Variants in RS1 observed in about 807,000 individuals in gnomAD.
RS1 encodes retinoschisin.
RS1 carries 2 observed loss-of-function variants against 20.8 expected under a neutral mutation model. That is an observed-to-expected ratio of 0.10 (90% CI 0.04 to 0.30). The LOEUF is 0.30. Among genes scored for constraint, RS1 ranks in the 10% least tolerant of loss-of-function variants. The probability of loss-of-function intolerance (pLI) is 1.00; values close to 1 mark genes in which losing one functional copy is unlikely to be tolerated. For synonymous variants in RS1, 70 were observed against 75.8 expected (o/e 0.92, Z 0.40); for missense variants, 151 against 189.8 (o/e 0.80, Z 1.20).
chrX:18,663,979 C>A (rs1351395758), intron 1 of RS1, among the ~76,000 whole-genome samples: 1 of 111,896 alleles, frequency 8.9e-6, no homozygotes, highest in African/African-American at 3.2e-5. Context: ...GTGGTCTAAC[C>A]TCTTTGGAAA....
intron 1 of RS1, among the ~76,000 whole-genome samples, chrX:18,659,959 C>T (rs1049638263): frequency 9.0e-6 from 1 of 111,644 alleles, no homozygotes; most frequent in African/African-American, 3.3e-5. Flanking sequence ...GGCACCAACA[C>T]GAATCTGAAC....
intron 1 of RS1, among the ~76,000 whole-genome samples, chrX:18,664,278 A>G (rs1928366738): frequency 8.9e-6 from 1 of 112,519 alleles, no homozygotes; most frequent in Non-Finnish European, 1.9e-5. Context: ...GCATCTCATG[A>G]TGCTGAGTGA....
At chrX:18,648,556 G>C (rs866589228) in intron 3 of RS1, among the ~76,000 whole-genome samples, 35 of 111,239 alleles carry the variant, frequency 3.1e-4, no homozygotes, top group African/African-American at 9.5e-4. Flanking sequence ...CCTTCTTTTT[G>C]ACTAAAGAGC....
Position 18,657,674 on chromosome X carries a change from A to G in RS1, c.53-9T>C. 1 of 1,184,710 alleles carries G rather than the reference A, an allele frequency of 8.4e-7. No individual in the cohort carries two copies. Among genetic ancestry groups the G allele is most frequent in the South Asian group, 1.8e-5 (1 of 56,394 alleles). The stretch of plus-strand genomic sequence containing the variant: ...CGATAATCCCAATGTGGCTAAAGCA[A>G]AAGGATGAGACAGAAAAAATCTAAT... On this transcript the variant is annotated splice_polypyrimidine_tract_variant and intron_variant, in intron 1 of 5. Transcript: ENST00000379984.
rs142949334 is a variant in RS1 at position 18,650,771 on chromosome X, G to A, written c.185-3439C>T. Among the ~76,000 whole-genome samples, 728 of 112,611 alleles carry A rather than the reference G, an allele frequency of 6.5e-3. 2 individuals carry two copies. The highest frequency in any genetic ancestry group is 0.022 in the African/African-American group (669 of 31,013). On this transcript the variant is annotated intron_variant, in intron 3 of 5. Coordinates refer to ENST00000379984, the MANE Select transcript of RS1 (RefSeq NM_000330.4). The stretch of plus-strand genomic sequence containing the variant: ...GGCAGTCAAGGTCAAGCAGGCCTGC[G>A]TCCAGCCAATGACACCTGGGGTAGG...
At chrX:18,652,238 A>G (rs897293305) in intron 3 of RS1, among the ~76,000 whole-genome samples, 3 of 111,967 alleles carry the variant, frequency 2.7e-5, no homozygotes, top group African/African-American at 6.5e-5. Flanking sequence ...GGACAAGCAT[A>G]GGAAATGGCA....
intron 1 of RS1, among the ~76,000 whole-genome samples, chrX:18,664,197 T>C (rs1393705395): frequency 8.9e-6 from 1 of 111,898 alleles, no homozygotes; most frequent in East Asian, 2.8e-4. Context: ...TACATCGGGG[T>C]ATGTTTACAC....
intron 1 of RS1, among the ~76,000 whole-genome samples, chrX:18,667,962 A>T (rs1379678391): frequency 9.0e-6 from 1 of 111,628 alleles, no homozygotes; most frequent in African/African-American, 3.3e-5. Flanking sequence ...CCACACAATG[A>T]TTTAATCACC....
intron 3 of RS1, chrX:18,650,266 C>T (rs1482592282): frequency 1.1e-5 from 6 of 549,605 alleles, no homozygotes; most frequent in East Asian, 3.5e-5. Flanking sequence ...TCTAAAGACC[C>T]GTGTGTCCAG....
At chrX:18,653,917 G>C (rs182559981) in intron 3 of RS1, among the ~76,000 whole-genome samples, 1 of 109,339 alleles carries the variant, frequency 9.1e-6, no homozygotes, top group Non-Finnish European at 1.9e-5. Context: ...GCAGTGAGCC[G>C]AGATCACGCT....
chrX:18,647,397 A>C (rs1927829989), intron 3 of RS1, 65 bp from the exon 4 acceptor site: 1 of 1,149,790 alleles, frequency 8.7e-7, no homozygotes, highest in East Asian at 3.0e-5. Context: ...CAGGTGACTG[A>C]AATAACAAAA....
chrX:18,645,917 G>A, intron 4 of RS1: 4 of 1,192,185 alleles, frequency 3.4e-6, no homozygotes, highest in Non-Finnish European at 3.4e-6. Context: ...TCAATGGGAT[G>A]TGGGCAGAAG....
At chrX:18,647,505 C>G in intron 3 of RS1, 173 bp from the exon 4 acceptor site, 1 of 481,022 alleles carries the variant, frequency 2.1e-6, no homozygotes, top group South Asian at 3.1e-5. Context: ...TCACTACTCA[C>G]GCAAGAAAGG....
chrX:18,662,447 C>T (rs1445763468), intron 1 of RS1, among the ~76,000 whole-genome samples: 3 of 110,703 alleles, frequency 2.7e-5, no homozygotes, highest in Non-Finnish European at 5.7e-5. Flanking sequence ...TGCTATCCCT[C>T]CCCGCTCCCC....
At chrX:18,652,434 C>T (rs761261756) in intron 3 of RS1, among the ~76,000 whole-genome samples, 1 of 111,924 alleles carries the variant, frequency 8.9e-6, no homozygotes, top group East Asian at 2.8e-4. Context: ...TTTGGGAGGC[C>T]GAGGCGGGAG....
chrX:18,661,317 C>T (rs1386481338), intron 1 of RS1, among the ~76,000 whole-genome samples: 1 of 111,577 alleles, frequency 9.0e-6, no homozygotes, highest in African/African-American at 3.3e-5. Context: ...TTCTTCAGTG[C>T]CCCGCTGCTC....
intron 1 of RS1, among the ~76,000 whole-genome samples, chrX:18,661,828 G>A (rs1247380032): frequency 8.9e-6 from 1 of 112,423 alleles, no homozygotes; most frequent in Non-Finnish European, 1.9e-5. Context: ...GTCTTCTTCC[G>A]CCAATGTGCT....
At chrX:18,652,469 G>C (rs1254787544) in intron 3 of RS1, among the ~76,000 whole-genome samples, 1 of 111,913 alleles carries the variant, frequency 8.9e-6, no homozygotes, top group Non-Finnish European at 1.9e-5. Flanking sequence ...AGGAGTTCGA[G>C]ACCAGCCTGG....
At chrX:18,643,420 G>T (rs992660038) in intron 5 of RS1, among the ~76,000 whole-genome samples, 1 of 110,921 alleles carries the variant, frequency 9.0e-6, no homozygotes, top group African/African-American at 3.3e-5. Context: ...TTCAAGTCAG[G>T]AGCCAGGTGA....
Sources: gnomAD v4.1 joint callset for allele counts (sites outside exome capture counted in the v4.1 genomes callset) on GRCh38, gnomAD v4.1.1 for gene constraint, MANE v1.5 for transcripts, NCBI Gene and HGNC (gene_info 2026-07-23, HGNC 2026-07-21) for gene names.